GPR137B: variants seen among roughly 807,000 people sequenced by gnomAD.
GPR137B encodes G protein-coupled receptor 137B.
GPR137B carries 42 observed loss-of-function variants against 42.5 expected under a neutral mutation model. That is an observed-to-expected ratio of 0.99 (90% confidence interval 0.77 to 1.28). GPR137B has a LOEUF of 1.28. GPR137B is among the 50% of genes most tolerant of loss of function. The pLI, the probability that GPR137B is intolerant of heterozygous loss-of-function variation, is 0.00. For synonymous variants in GPR137B, 218 were observed against 209.7 expected (o/e 1.04, Z -0.34); for missense variants, 487 against 493.9 (o/e 0.99, Z 0.13).
At chr1:236,165,133 G>C (rs1431326703) in intron 1 of GPR137B, among the ~76,000 whole-genome samples, 1 of 152,206 alleles carries the variant, frequency 6.6e-6, no homozygotes, top group African/African-American at 2.4e-5. Flanking sequence ...TTGAACTCCT[G>C]ACCTCAGGCA....
At chr1:236,173,605 C>T (rs962679435) in intron 2 of GPR137B, among the ~76,000 whole-genome samples, 1 of 152,222 alleles carries the variant, frequency 6.6e-6, no homozygotes, top group Non-Finnish European at 1.5e-5. Flanking sequence ...ACTGATCCTT[C>T]TGGTCCCACA....
At position 236,142,622 on chromosome 1, in the gene GPR137B, G is replaced by A. The variant is rs1661552815; in HGVS notation, c.-1G>A. On this transcript the variant is annotated 5_prime_UTR_variant, in exon 1 of 7. Coordinates refer to ENST00000366592, the MANE Select transcript of GPR137B (RefSeq NM_003272.4). The stretch of plus-strand genomic sequence containing the variant: ...GGGGGCGGCGGCGGCCGTGAGCCCC[G>A]ATGAGGCCCGAGCGTCCCCGGCCGC... The A allele has an allele frequency of 7.1e-7, 1 of 1,413,402 alleles. No homozygotes were observed. The highest frequency in any genetic ancestry group is 9.2e-7 in the Non-Finnish European group (1 of 1,092,546). The allele number at this position is 1,413,402 out of a possible 1,614,324, so 87.6% of individuals were successfully genotyped here.
chr1:236,197,000 G>A (rs976007355), intron 5 of GPR137B, among the ~76,000 whole-genome samples: 4 of 152,142 alleles, frequency 2.6e-5, no homozygotes, highest in African/African-American at 9.7e-5. Context: ...ATTCCCACCA[G>A]CAGTATAAAA....
At chr1:236,204,895 C>A (rs1663609278) in intron 5 of GPR137B, among the ~76,000 whole-genome samples, 1 of 152,150 alleles carries the variant, frequency 6.6e-6, no homozygotes, top group Admixed American at 6.5e-5. Context: ...ACAATGATGA[C>A]TCACTGTTGC....
chr1:236,189,444 T>C (rs7534964), intron 5 of GPR137B, among the ~76,000 whole-genome samples: 50,443 of 152,064 alleles, frequency 0.33, 8,962 homozygotes, highest in East Asian at 0.61. Context: ...TGCTTTCTCT[T>C]GTGGGCATTT....
intron 1 of GPR137B, among the ~76,000 whole-genome samples, chr1:236,168,379 C>T (rs914401347): frequency 1.3e-5 from 2 of 149,102 alleles, no homozygotes; most frequent in African/African-American, 5.0e-5. Flanking sequence ...GCCGAGATGG[C>T]GCCATTGCAC....
chr1:236,159,640 A>G (rs1169048504), intron 1 of GPR137B, among the ~76,000 whole-genome samples: 2 of 152,148 alleles, frequency 1.3e-5, no homozygotes, highest in Non-Finnish European at 2.9e-5. Flanking sequence ...AAAGAAAAAA[A>G]ATAGGCAAGC....
chr1:236,164,755 C>CAT (rs1662299365), intron 1 of GPR137B, among the ~76,000 whole-genome samples: 2 of 151,964 alleles, frequency 1.3e-5, no homozygotes, highest in South Asian at 4.2e-4. Context: ...AATGTAAGTA[C>CAT]ATATATATAT....
At chr1:236,154,032 T>G (rs574830619) in intron 1 of GPR137B, among the ~76,000 whole-genome samples, 9 of 152,270 alleles carry the variant, frequency 5.9e-5, no homozygotes, top group Non-Finnish European at 8.8e-5. Context: ...CTAGGGCCCC[T>G]TCCTTGGGTG....
chr1:236,201,671 A>T (rs1313496649), intron 5 of GPR137B, among the ~76,000 whole-genome samples: 1 of 152,000 alleles, frequency 6.6e-6, no homozygotes, highest in Admixed American at 6.5e-5. Flanking sequence ...TCTGTATTTT[A>T]AAAAAGAGTA....
At chr1:236,146,477 G>A (rs1558476695) in intron 1 of GPR137B, among the ~76,000 whole-genome samples, 1 of 152,140 alleles carries the variant, frequency 6.6e-6, no homozygotes, top group Non-Finnish European at 1.5e-5. Context: ...GCTTTTTTCT[G>A]TTGTTGTCAG....
chr1:236,207,981 C>CCTAAA lies in GPR137B; in HGVS notation c.1092-65_1092-61dup. The CCTAAA allele has an allele frequency of 3.5e-6, 4 of 1,139,700 alleles. No individual in the cohort carries two copies. In the Admixed American group the frequency reaches 7.7e-5, roughly 22 times the overall value. The allele number at this position is 1,139,700 out of a possible 1,614,324, so 70.6% of individuals were successfully genotyped here. On this transcript the variant is annotated intron_variant, in intron 6 of 6. Coordinates refer to ENST00000366592, the MANE Select transcript of GPR137B (RefSeq NM_003272.4). The stretch of plus-strand genomic sequence containing the variant: ...TACACAAAAATCTCAGCTCTGTCTA[C>CCTAAA]CTAAACTAGACTATGTCATACATAC...
intron 1 of GPR137B, among the ~76,000 whole-genome samples, chr1:236,157,372 C>T (rs1448279648): frequency 2.0e-5 from 3 of 152,242 alleles, no homozygotes; most frequent in Non-Finnish European, 4.4e-5. Context: ...TACAGGCGCC[C>T]GCCACCACGC....
At position 236,155,832 on chromosome 1, in the gene GPR137B, C is replaced by A. The variant is rs928859772; in HGVS notation, c.414+12796C>A. ...TGCCCTTTATCTATAAAGGTAAAGACTGTTATCCCATTATCACTTATGAAA... is the reference window on the plus strand; with the variant it reads ...TGCCCTTTATCTATAAAGGTAAAGAATGTTATCCCATTATCACTTATGAAA... On this transcript the variant is annotated intron_variant, in intron 1 of 6. Coordinates refer to ENST00000366592, the MANE Select transcript of GPR137B (RefSeq NM_003272.4). This position sits in a 1 kb window ranked among gnomAD's most constrained non-coding sequence, Gnocchi z 4.6. 6.6e-6 allele frequency among the ~76,000 whole-genome samples: 1 copy of A among 152,178 alleles called. No individual in the cohort carries two copies. The highest frequency in any genetic ancestry group is 2.4e-5 in the African/African-American group (1 of 41,440).
chr1:236,165,639 G>A (rs751353476), intron 1 of GPR137B, among the ~76,000 whole-genome samples: 78 of 152,114 alleles, frequency 5.1e-4, no homozygotes, highest in Non-Finnish European at 9.8e-4. Flanking sequence ...GTTCCATAGC[G>A]CAGTGCTTCC....
chr1:236,206,727 A>G (rs1297781339), intron 6 of GPR137B, among the ~76,000 whole-genome samples: 2 of 152,200 alleles, frequency 1.3e-5, no homozygotes, highest in East Asian at 3.9e-4. Flanking sequence ...GGTAGTTGCT[A>G]TTGGGATTCC....
chr1:236,143,980 C>T (rs986476494), intron 1 of GPR137B, among the ~76,000 whole-genome samples: 5 of 152,164 alleles, frequency 3.3e-5, no homozygotes, highest in Non-Finnish European at 7.3e-5. Flanking sequence ...CACTAGGACT[C>T]TGCCGAAGGG....
At chr1:236,195,621 C>A (rs186841877) in intron 5 of GPR137B, among the ~76,000 whole-genome samples, 4 of 152,278 alleles carry the variant, frequency 2.6e-5, no homozygotes, top group Non-Finnish European at 4.4e-5. Context: ...TGGGTAGATA[C>A]CAGCAGTGGG....
intron 2 of GPR137B, among the ~76,000 whole-genome samples, chr1:236,170,039 C>CAAAA (rs11346365): frequency 2.7e-3 from 97 of 36,328 alleles, no homozygotes; most frequent in Non-Finnish European, 5.4e-3. Flanking sequence ...GAATCCATCT[C>CAAAA]AAAAAAAAAA....
Sources: gnomAD v4.1 joint callset for allele counts (sites outside exome capture counted in the v4.1 genomes callset) on GRCh38, gnomAD v4.1.1 for gene constraint, Gnocchi (gnomAD v3.1) non-coding constraint, MANE v1.5 for transcripts, NCBI Gene and HGNC (gene_info 2026-07-23, HGNC 2026-07-21) for gene names.